Variants in GPRC5D observed in about 807,000 individuals in gnomAD.
GPRC5D encodes G protein-coupled receptor family C group 5 member D.
GPRC5D carries 20 observed loss-of-function variants against 29.3 expected under a neutral mutation model. That is an observed-to-expected ratio of 0.68 (90% CI 0.48 to 0.99). GPRC5D has a LOEUF of 0.99. GPRC5D is among the 50% of genes least tolerant of loss of function. GPRC5D has a pLI of 0.00. For missense variants in GPRC5D, 384 were observed against 423.6 expected (o/e 0.91, Z 0.82); for synonymous variants, 178 against 171.3 (o/e 1.04, Z -0.30).
At position 12,940,871 on chromosome 12, in the gene GPRC5D, C is replaced by T. The variant is rs556283099; in HGVS notation, c.964-22G>A. 23 of 1,463,294 alleles carry T rather than the reference C, an allele frequency of 1.6e-5. No individual in the cohort carries two copies. In the African/African-American group the frequency reaches 2.6e-4, roughly 17 times the overall value. The allele number at this position is 1,463,294 out of a possible 1,614,324, so 90.6% of individuals were successfully genotyped here. A position where few individuals can be genotyped will look rare whatever the true frequency, so the allele number is the denominator to read the frequency against. On this transcript the variant is annotated intron_variant, in intron 2 of 2. Transcript: ENST00000228887. ...CAGTCTGGAAAGGAAGAAATGCCAT[C>T]ATCAACTTTCTGAGCAACAAAAGAA...
exon 2 of GPRC5D, chr12:12,942,280 C>A (rs148322311): frequency 1.4e-5 from 22 of 1,610,168 alleles, no homozygotes; most frequent in Non-Finnish European, 1.8e-5. Flanking sequence ...AATGGGAGTA[C>A]CATATGAAGT....
At chr12:12,942,975 G>A (rs941985748) in intron 1 of GPRC5D, among the ~76,000 whole-genome samples, 1 of 152,092 alleles carries the variant, frequency 6.6e-6, no homozygotes, top group African/African-American at 2.4e-5. Flanking sequence ...CTACAAGCTT[G>A]AATTCAATTT....
rs747686866 is a variant in GPRC5D at position 12,950,029 on chromosome 12, C to T, written c.356G>A (p.Arg119Gln). Residue 119 changes from arginine to glutamine, a missense_variant, in exon 1 of 3, where the codon CGG becomes CAG. Coordinates refer to ENST00000228887, the Ensembl canonical transcript of GPRC5D. ...CGTCCAGGAGAAGGAGACACAACCCCGAACCAGCTTCACTAGATTGGAGGC... is the reference window on the plus strand; with the variant it reads ...CGTCCAGGAGAAGGAGACACAACCCTGAACCAGCTTCACTAGATTGGAGGC... 74 of 1,613,962 alleles carry T rather than the reference C, an allele frequency of 4.6e-5. No homozygotes were observed. The East Asian group carries it at 1.2e-3, about 26-fold the overall frequency.
At chr12:12,942,832 A>G (rs1455109527) in intron 1 of GPRC5D, among the ~76,000 whole-genome samples, 1 of 152,220 alleles carries the variant, frequency 6.6e-6, no homozygotes, top group East Asian at 1.9e-4. Context: ...AAGCGTGGGT[A>G]GCGTGTGAGT....
At chr12:12,951,727 A>G (rs1339388580), upstream of GPRC5D, among the ~76,000 whole-genome samples, 1 of 152,210 alleles carries the variant, frequency 6.6e-6, no homozygotes, top group Non-Finnish European at 1.5e-5. Flanking sequence ...CGTTCTAGAC[A>G]CTGATGCACT....
chr12:12,943,861 G>A (rs1863210904), intron 1 of GPRC5D, among the ~76,000 whole-genome samples: 1 of 152,166 alleles, frequency 6.6e-6, no homozygotes, highest in Non-Finnish European at 1.5e-5. Flanking sequence ...TTTACCAAAA[G>A]GCTGAGCGTT....
chr12:12,940,802 G>A, exon 3 of GPRC5D: 1 of 1,607,294 alleles, frequency 6.2e-7, no homozygotes, highest in Admixed American at 1.7e-5. Context: ...CTTGCTGGGG[G>A]CTTAGTTTAG....
chr12:12,946,862 C>T (rs1863362411), intron 1 of GPRC5D, among the ~76,000 whole-genome samples: 1 of 152,188 alleles, frequency 6.6e-6, no homozygotes, highest in African/African-American at 2.4e-5. Flanking sequence ...TGACTGGAAT[C>T]ACAGCTACAA....
rs1297290564 is a variant in GPRC5D at position 12,940,810 on chromosome 12, T to TA, written c.1002dup (p.Lys335Ter). 1.2e-6 allele frequency: 2 copies of TA among 1,609,466 alleles called. No individual in the cohort carries two copies. Among genetic ancestry groups the TA allele is most frequent in the South Asian group, 2.2e-5 (2 of 90,984 alleles). ...CCTGCATCTTGCTGGGGGCTTAGTTTAGCCTGTGGGATGAAACACTCTTGT... is the reference window on the plus strand; with the variant it reads ...CCTGCATCTTGCTGGGGGCTTAGTTTAAGCCTGTGGGATGAAACACTCTTGT... On this transcript the variant is annotated frameshift_variant, in exon 3 of 3. Transcript: ENST00000228887. LOFTEE classifies it high-confidence loss of function.
At chr12:12,949,654 A>T in exon 1 of GPRC5D, 1 of 1,614,216 alleles carries the variant, frequency 6.2e-7, no homozygotes, top group Non-Finnish European at 8.5e-7. Flanking sequence ...GACCAGAGCA[A>T]TGCAGACGAC....
At chr12:12,944,747 T>C (rs940438443) in intron 1 of GPRC5D, among the ~76,000 whole-genome samples, 3 of 46,528 alleles carry the variant, frequency 6.4e-5, no homozygotes, top group Non-Finnish European at 8.4e-5. Context: ...CTTTCTTCCT[T>C]CCTTCCTTCC....
Position 12,944,772 on chromosome 12 carries a change from TCTTCCTTC to T in GPRC5D, c.896-2452_896-2445del, listed in dbSNP as rs1329794496. ...TCCTTCCTTCCTTTCTTCCTTCCTTTCTTCCTTCCTTCCTTCCTTCCTTCCTTCCCTTC... is the reference window on the plus strand; with the variant it reads ...TCCTTCCTTCCTTTCTTCCTTCCTTTCTTCCTTCCTTCCTTCCTTCCCTTC... On this transcript the variant is annotated intron_variant, in intron 1 of 2. Coordinates refer to ENST00000228887, the Ensembl canonical transcript of GPRC5D. Among the ~76,000 whole-genome samples the T allele has an allele frequency of 2.0e-4, 5 of 25,446 alleles. 1 individual carries two copies. The South Asian group carries it at 9.4e-3, about 48-fold the overall frequency. 16.7% of individuals were successfully genotyped at this position (25,446 alleles called of 152,430 possible).
intron 2 of GPRC5D, among the ~76,000 whole-genome samples, chr12:12,941,588 G>A (rs968352627): frequency 2.6e-5 from 4 of 152,160 alleles, no homozygotes; most frequent in Admixed American, 6.6e-5. Flanking sequence ...CTTTCACGTT[G>A]GGGCTTTAGT....
chr12:12,944,859 T>A (rs1396217967), intron 1 of GPRC5D, among the ~76,000 whole-genome samples: 18 of 92,296 alleles, frequency 2.0e-4, no homozygotes, highest in African/African-American at 6.3e-4. Context: ...CCTTCTTTCT[T>A]TCTTTCTTTC....
intron 1 of GPRC5D, among the ~76,000 whole-genome samples, chr12:12,947,965 C>G (rs1863397429): frequency 6.6e-6 from 1 of 152,142 alleles, no homozygotes; most frequent in East Asian, 1.9e-4. Context: ...GATGGGTTTT[C>G]TAACCTTGCT....
chr12:12,948,548 A>C (rs1266363922), intron 1 of GPRC5D: 1 of 154,376 alleles, frequency 6.5e-6, no homozygotes, highest in South Asian at 2.0e-4. Context: ...CATCATCATT[A>C]CATATTAGAA....
At chr12:12,951,568 C>T (rs1863497203), upstream of GPRC5D, among the ~76,000 whole-genome samples, 1 of 152,178 alleles carries the variant, frequency 6.6e-6, no homozygotes, top group Non-Finnish European at 1.5e-5. Context: ...ATAATATGTC[C>T]ATTTGTGTAT....
intron 1 of GPRC5D, among the ~76,000 whole-genome samples, chr12:12,946,104 T>G (rs1175505620): frequency 6.6e-6 from 1 of 152,250 alleles, no homozygotes; most frequent in African/African-American, 2.4e-5. Context: ...TCCCCTTTGC[T>G]GATCTGTTTC....
chr12:12,946,471 TTTCG>T (rs1863350061), intron 1 of GPRC5D, among the ~76,000 whole-genome samples: 1 of 151,250 alleles, frequency 6.6e-6, no homozygotes, highest in Non-Finnish European at 1.5e-5. Flanking sequence ...TCTTTCTTTC[TTTCG>T]ACGCAGCCTT....
Sources: gnomAD v4.1 joint callset for allele counts (sites outside exome capture counted in the v4.1 genomes callset) on GRCh38, gnomAD v4.1.1 for gene constraint, MANE v1.5 for transcripts, NCBI Gene and HGNC (gene_info 2026-07-23, HGNC 2026-07-21) for gene names.